The following MYO5B variants were observed in gnomAD, a reference collection of about 807,000 sequenced individuals.
The protein encoded by MYO5B is myosin VB, also known as unconventional myosin-Vb.
A neutral mutation model predicts 229.3 loss-of-function variants in MYO5B; 143 were observed. That is an observed-to-expected ratio of 0.62 (90% CI 0.54 to 0.72). MYO5B has a LOEUF of 0.72. MYO5B is among the 30% of genes least tolerant of loss of function. The probability of loss-of-function intolerance (pLI) is 0.00; values close to 1 mark genes in which losing one functional copy is unlikely to be tolerated. For missense variants in MYO5B, 2,321 were observed against 2,331.0 expected (o/e 1.00, Z 0.09); for synonymous variants, 918 against 885.2 (o/e 1.04, Z -0.66).
chr18:49,893,553 C>T (rs146708635), intron 22 of MYO5B, among the ~76,000 whole-genome samples: 1 of 152,208 alleles, frequency 6.6e-6, no homozygotes, highest in Non-Finnish European at 1.5e-5. Context: ...GGTGGGCAGG[C>T]TGGCAGGTGA....
intron 4 of MYO5B, among the ~76,000 whole-genome samples, chr18:50,011,065 G>A (rs2026155544): frequency 6.6e-6 from 1 of 152,156 alleles, no homozygotes; most frequent in South Asian, 2.1e-4. Flanking sequence ...CATGGTGGCT[G>A]GGTGCAGTGG....
At chr18:49,936,096 G>A (rs1184864127) in intron 16 of MYO5B, among the ~76,000 whole-genome samples, 156 bp downstream of exon 16, 1 of 152,240 alleles carries the variant, frequency 6.6e-6, no homozygotes, top group African/African-American at 2.4e-5. Flanking sequence ...GCAAGTGTCT[G>A]TCAGTCTGTC....
intron 1 of MYO5B, among the ~76,000 whole-genome samples, chr18:50,125,994 G>A (rs2032156121): frequency 6.6e-6 from 1 of 152,152 alleles, no homozygotes; most frequent in Non-Finnish European, 1.5e-5. Flanking sequence ...GCCAGGGGCT[G>A]CGAGGAAGGG....
chr18:50,043,190 A>G (rs2030073310), intron 2 of MYO5B, among the ~76,000 whole-genome samples: 1 of 146,924 alleles, frequency 6.8e-6, no homozygotes, highest in South Asian at 2.1e-4. Flanking sequence ...CCAAATGCCC[A>G]TCAATGAGTG....
At chr18:49,991,820 T>A (rs60136151) in intron 6 of MYO5B, among the ~76,000 whole-genome samples, 1 of 151,626 alleles carries the variant, frequency 6.6e-6, no homozygotes, top group East Asian at 1.9e-4. Context: ...ACTTAAAGTA[T>A]AATTTTTTTT....
rs372239021 is a variant in MYO5B, at chr18:50,154,229, ATTATC to A, written c.27+40533_27+40537del. ...GTAAGGCAAGGAGGGACTTTCACTC[ATTATC>A]TTAGAGATTTCTATATTGTTTGATT... On this transcript the variant is annotated intron_variant, in intron 1 of 39. Transcript: ENST00000285039. Among the ~76,000 whole-genome samples, 809 of 152,322 alleles carry A rather than the reference ATTATC, an allele frequency of 5.3e-3. 5 individuals are homozygous for A. Among genetic ancestry groups the A allele is most frequent in the African/African-American group, 0.018 (750 of 41,572 alleles).
At chr18:49,978,228 C>G in intron 9 of MYO5B, among the ~76,000 whole-genome samples, 2 of 152,274 alleles carry the variant, frequency 1.3e-5, no homozygotes, top group Admixed American at 1.3e-4. Flanking sequence ...GATGTTCCCA[C>G]CCTCATACTA....
intron 4 of MYO5B, among the ~76,000 whole-genome samples, chr18:50,025,422 A>G (rs1427779844): frequency 6.7e-6 from 1 of 150,308 alleles, no homozygotes; most frequent in African/African-American, 2.5e-5. Flanking sequence ...CCCCTTAAAA[A>G]CTCCAGCCCG....
At chr18:50,143,977 C>A (rs1440807951) in intron 1 of MYO5B, among the ~76,000 whole-genome samples, 1 of 152,166 alleles carries the variant, frequency 6.6e-6, no homozygotes, top group African/African-American at 2.4e-5. Flanking sequence ...ATGTTATCAC[C>A]TTCTTATCCA....
At chr18:50,146,499 A>G (rs1447345383) in intron 1 of MYO5B, among the ~76,000 whole-genome samples, 1 of 152,198 alleles carries the variant, frequency 6.6e-6, no homozygotes, top group Non-Finnish European at 1.5e-5. Flanking sequence ...AACCTGCACC[A>G]GAACATAAAT....
At chr18:49,862,156 C>T (rs1000748781) in intron 29 of MYO5B, among the ~76,000 whole-genome samples, 1 of 151,976 alleles carries the variant, frequency 6.6e-6, no homozygotes, top group Admixed American at 6.6e-5. Context: ...CGCCACTACG[C>T]CCGGCTAATT....
chr18:50,038,897 A>G (rs989761086), intron 3 of MYO5B, among the ~76,000 whole-genome samples: 13 of 152,228 alleles, frequency 8.5e-5, no homozygotes, highest in African/African-American at 3.1e-4. Flanking sequence ...TGTTTCAAAT[A>G]AAACTCCCAC....
At chr18:49,885,740 G>A (rs2024635260) in intron 22 of MYO5B, among the ~76,000 whole-genome samples, 1 of 152,100 alleles carries the variant, frequency 6.6e-6, no homozygotes, top group Non-Finnish European at 1.5e-5. Context: ...CTGGAGCTAA[G>A]GATTGGGGTC....
intron 2 of MYO5B, among the ~76,000 whole-genome samples, chr18:50,051,560 C>A (rs920854127): frequency 2.0e-5 from 3 of 152,198 alleles, no homozygotes; most frequent in African/African-American, 7.2e-5. Context: ...GCAGAGCATG[C>A]AGAAGCTACC....
chr18:49,853,466 G>T lies in MYO5B; in HGVS notation c.4204C>A (p.Leu1402Met). 1 of 1,613,940 alleles carries T rather than the reference G, an allele frequency of 6.2e-7. No homozygotes were observed. The highest frequency in any genetic ancestry group is 2.2e-5 in the East Asian group (1 of 44,866). Residue 1402 changes from leucine (L) to methionine (M), a missense_variant, in exon 31 of 40, where the codon CTG (leucine) becomes ATG (methionine). By Grantham distance (15) the Leu-to-Met change is conservative. Transcript: ENST00000285039. ...CTACCCACCAGATTCTCGTTGGTCA[G>T]CCGGGATATTTCCTGCTGAACGCCG... ...EFGVQQEISRLTNENLDLKEL... is the reference protein window; with the variant it reads ...EFGVQQEISRMTNENLDLKEL...
At chr18:50,030,474 A>ATT (rs2026375391) in intron 4 of MYO5B, among the ~76,000 whole-genome samples, 3 of 152,072 alleles carry the variant, frequency 2.0e-5, no homozygotes, top group African/African-American at 7.2e-5. Context: ...ATGGACACTC[A>ATT]TTTCCATACT....
chr18:49,897,465 C>T (rs116461050), intron 21 of MYO5B, among the ~76,000 whole-genome samples: 1,554 of 152,116 alleles, frequency 0.01, 31 homozygotes, highest in African/African-American at 0.035. Context: ...TTTTAATTTT[C>T]CTGGGTACAT....
At chr18:49,885,843 G>A (rs963007675) in intron 22 of MYO5B, among the ~76,000 whole-genome samples, 1 of 152,166 alleles carries the variant, frequency 6.6e-6, no homozygotes, top group African/African-American at 2.4e-5. Flanking sequence ...GGTCTGTAGT[G>A]GCCTTACATT....
intron 10 of MYO5B, among the ~76,000 whole-genome samples, chr18:49,963,592 A>C (rs1334117324): frequency 6.6e-6 from 1 of 151,750 alleles, no homozygotes; most frequent in Non-Finnish European, 1.5e-5. Flanking sequence ...ATGCCGAGCT[A>C]ATTTTTCTAC....
Sources: gnomAD v4.1 joint callset for allele counts (sites outside exome capture counted in the v4.1 genomes callset) on GRCh38, gnomAD v4.1.1 for gene constraint, MANE v1.5 for transcripts, NCBI Gene and HGNC (gene_info 2026-07-23, HGNC 2026-07-21) for gene names.